Variants in SKIC3 observed in about 807,000 individuals in gnomAD.
SKIC3 encodes superkiller complex protein 3.
the SKIC3 span, among the ~76,000 whole-genome samples, chr5:95,472,279 G>A: frequency 6.6e-6 from 1 of 152,064 alleles, no homozygotes; most frequent in African/African-American, 2.4e-5. Flanking sequence ...CCTCCCTATA[G>A]CACAAGGAGA....
chr5:95,549,895 A>T, the SKIC3 span, among the ~76,000 whole-genome samples: 37 of 152,046 alleles, frequency 2.4e-4, no homozygotes, highest in African/African-American at 7.5e-4. Context: ...AAATGATTCC[A>T]CGTAACCCCA....
the SKIC3 span, among the ~76,000 whole-genome samples, chr5:95,530,463 T>G: frequency 2.5e-4 from 38 of 152,186 alleles, no homozygotes; most frequent in African/African-American, 9.2e-4. Flanking sequence ...CACTTTAGGA[T>G]TTCAGACAAG....
the SKIC3 span, among the ~76,000 whole-genome samples, chr5:95,480,650 C>T: frequency 3.9e-5 from 6 of 152,122 alleles, no homozygotes; most frequent in Admixed American, 6.6e-5. Context: ...CTAAATTAAC[C>T]ATACATATAC....
the SKIC3 span, chr5:95,540,641 T>C: frequency 1.2e-6 from 2 of 1,607,456 alleles, no homozygotes; most frequent in Non-Finnish European, 1.7e-6. Flanking sequence ...TAAATTCAAT[T>C]AAATGATCAA....
At chr5:95,513,412 G>T in the SKIC3 span, 1 of 744,270 alleles carries the variant, frequency 1.3e-6, no homozygotes, top group Non-Finnish European at 2.3e-6. Flanking sequence ...TTGCTATATT[G>T]TCCAGGCTGG....
At chr5:95,534,785 T>C in the SKIC3 span, among the ~76,000 whole-genome samples, 4 of 152,130 alleles carry the variant, frequency 2.6e-5, no homozygotes, top group Non-Finnish European at 4.4e-5. Flanking sequence ...CCTTTAGTCC[T>C]CCTCTGATGG....
chr5:95,550,485 C>T, the SKIC3 span: 2 of 141,288 alleles, frequency 1.4e-5, no homozygotes, highest in Non-Finnish European at 3.1e-5. Flanking sequence ...AAAAAAAAAA[C>T]TATGCCATTA....
chr5:95,541,859 A>G, the SKIC3 span: 1 of 1,613,086 alleles, frequency 6.2e-7, no homozygotes, highest in African/African-American at 1.3e-5. Flanking sequence ...CAGGCAAGTC[A>G]TCCTTAGCAT....
At chr5:95,467,382 G>A in the SKIC3 span, among the ~76,000 whole-genome samples, 3 of 152,060 alleles carry the variant, frequency 2.0e-5, no homozygotes, top group African/African-American at 7.2e-5. Context: ...AACTGATCAC[G>A]ACCCCAAGGT....
chr5:95,535,471 C>T, the SKIC3 span, among the ~76,000 whole-genome samples: 1,005 of 151,970 alleles, frequency 6.6e-3, 13 homozygotes, highest in African/African-American at 0.023. Context: ...CCACCGCGCC[C>T]GGCTAATTTT....
the SKIC3 span, among the ~76,000 whole-genome samples, chr5:95,553,409 T>C: frequency 6.6e-6 from 1 of 152,262 alleles, no homozygotes; most frequent in Non-Finnish European, 1.5e-5. Flanking sequence ...AAATACGTTC[T>C]ACATTCCAAA....
At chr5:95,518,159 A>T in the SKIC3 span, among the ~76,000 whole-genome samples, 78 of 152,240 alleles carry the variant, frequency 5.1e-4, no homozygotes, top group African/African-American at 1.8e-3. Context: ...ATTTGGTAAG[A>T]TCTGAAAGAT....
At chr5:95,543,614 T>G in the SKIC3 span, among the ~76,000 whole-genome samples, 1 of 152,146 alleles carries the variant, frequency 6.6e-6, no homozygotes, top group South Asian at 2.1e-4. Flanking sequence ...ATACTGGGTA[T>G]AAAAAGAACA....
chr5:95,513,728 C>A, the SKIC3 span: 6 of 1,329,674 alleles, frequency 4.5e-6, no homozygotes, highest in South Asian at 2.4e-5. Flanking sequence ...CTAGAAGAAC[C>A]AAAGGTTTAC....
chr5:95,539,596 C>T, the SKIC3 span, among the ~76,000 whole-genome samples: 1 of 152,164 alleles, frequency 6.6e-6, no homozygotes, highest in Non-Finnish European at 1.5e-5. Context: ...GTAATCCCAA[C>T]ACTTTGGGGG....
At chr5:95,536,661 A>G in the SKIC3 span, 7 of 664,566 alleles carry the variant, frequency 1.1e-5, no homozygotes, top group Middle Eastern at 4.1e-4. Flanking sequence ...TAGTCTTTTC[A>G]TATACACAAA....
the SKIC3 span, chr5:95,530,005 C>T: frequency 1.9e-6 from 3 of 1,546,320 alleles, no homozygotes; most frequent in Non-Finnish European, 2.6e-6. Flanking sequence ...GATAGACATT[C>T]CTTAAAGAAA....
the SKIC3 span, among the ~76,000 whole-genome samples, chr5:95,472,986 C>A: frequency 2.0e-5 from 3 of 151,968 alleles, no homozygotes; most frequent in Non-Finnish European, 4.4e-5. Flanking sequence ...TGTATATGTA[C>A]CACATTTTCT....
chr5:95,512,590 C>A, the SKIC3 span: 1 of 1,613,854 alleles, frequency 6.2e-7, no homozygotes, highest in South Asian at 1.1e-5. Context: ...TGTGCAGACC[C>A]AATACGCATA....
Sources: gnomAD v4.1 joint callset for allele counts (sites outside exome capture counted in the v4.1 genomes callset) on GRCh38, gnomAD v4.1.1 for gene constraint, MANE v1.5 for transcripts, NCBI Gene and HGNC (gene_info 2026-07-23, HGNC 2026-07-21) for gene names.